Variants in PCDH9 observed in about 807,000 individuals in gnomAD.
PCDH9 encodes the protein protocadherin 9.
In PCDH9, 24 loss-of-function variants were observed where a neutral mutation model predicts 70.6. The ratio of observed to expected loss-of-function variants is 0.34; its 90% CI spans 0.25 to 0.48. The LOEUF is 0.48. Among genes scored for constraint, PCDH9 ranks in the 20% least tolerant of loss-of-function variants. The pLI is 0.99. For missense variants in PCDH9, 1,281 were observed against 1,503.6 expected (o/e 0.85, Z 2.45); for synonymous variants, 562 against 558.5 (o/e 1.01, Z -0.09).
intron 3 of PCDH9, among the ~76,000 whole-genome samples, chr13:66,639,152 G>T (rs183168707): frequency 6.6e-6 from 1 of 152,310 alleles, no homozygotes; most frequent in African/African-American, 2.4e-5. Flanking sequence ...GGGGGAGTTT[G>T]TCTGCACTCT....
At position 67,033,280 on chromosome 13, in the gene PCDH9, G is replaced by A. The variant is rs559725674; in HGVS notation, c.3037-129675C>T. Reference sequence around the variant, plus strand: ...CTGGGTCACTGCAGAGAAAGTCAATGTTGAAATAAATGATAGCTCCAGGCA... The same window carrying A: ...CTGGGTCACTGCAGAGAAAGTCAATATTGAAATAAATGATAGCTCCAGGCA... On this transcript the variant is annotated intron_variant, in intron 2 of 4. Coordinates refer to ENST00000377865, the MANE Select transcript of PCDH9 (RefSeq NM_203487.3). Among the ~76,000 whole-genome samples the A allele has an allele frequency of 3.3e-5, 5 of 152,200 alleles. No individual in the cohort carries two copies. In the South Asian group the frequency reaches 1.0e-3, roughly 32 times the overall value.
chr13:67,165,197 A>G (rs559266499), intron 2 of PCDH9, among the ~76,000 whole-genome samples: 3 of 152,264 alleles, frequency 2.0e-5, no homozygotes, highest in Admixed American at 2.0e-4. Context: ...TTATTAGTGA[A>G]TTGTACTGAT....
At chr13:66,910,381 A>G (rs1300017032) in intron 2 of PCDH9, among the ~76,000 whole-genome samples, 1 of 152,144 alleles carries the variant, frequency 6.6e-6, no homozygotes, top group Non-Finnish European at 1.5e-5. Context: ...ATGATAAGAT[A>G]TATTTCTTAT....
chr13:66,439,666 T>A (rs1484840826), intron 4 of PCDH9, among the ~76,000 whole-genome samples: 2 of 152,194 alleles, frequency 1.3e-5, no homozygotes, highest in Non-Finnish European at 2.9e-5. Flanking sequence ...TATTGACAGA[T>A]CCTAGTTAGG....
intron 3 of PCDH9, among the ~76,000 whole-genome samples, chr13:66,683,505 C>T (rs913610040): frequency 9.9e-5 from 15 of 152,186 alleles, no homozygotes; most frequent in African/African-American, 1.4e-4. Context: ...CCAAGGGATG[C>T]ATTCACAACC....
intron 2 of PCDH9, among the ~76,000 whole-genome samples, chr13:67,074,752 T>C (rs1055669310): frequency 5.3e-5 from 8 of 152,168 alleles, no homozygotes; most frequent in African/African-American, 1.9e-4. Context: ...TTTTAATGTA[T>C]GATTTATAAT....
At chr13:66,801,748 C>T (rs2080330016) in intron 3 of PCDH9, among the ~76,000 whole-genome samples, 1 of 151,966 alleles carries the variant, frequency 6.6e-6, no homozygotes. Flanking sequence ...GTACGTTCTT[C>T]AAATTGCAGA....
intron 4 of PCDH9, among the ~76,000 whole-genome samples, chr13:66,453,162 A>T (rs1423429090): frequency 1.3e-5 from 2 of 152,220 alleles, no homozygotes; most frequent in African/African-American, 4.8e-5. Flanking sequence ...TGTTACAGGT[A>T]AGACAGGTGT....
At position 67,107,072 on chromosome 13, in the gene PCDH9, C is replaced by T. The variant is rs71427635; in HGVS notation, c.3036+118333G>A. ...AGACAGGCTCCTTGATGGAAAGGGG[C>T]GGATCCCCAGTGAAGCCCCTCCTTC... On this transcript the variant is annotated intron_variant, in intron 2 of 4. Transcript: ENST00000377865. Among the ~76,000 whole-genome samples, 1,210 of 152,246 alleles carry T rather than the reference C, an allele frequency of 7.9e-3. 9 individuals carry two copies. Among genetic ancestry groups the T allele is most frequent in the Middle Eastern group, 0.014 (4 of 294 alleles).
intron 4 of PCDH9, among the ~76,000 whole-genome samples, chr13:66,503,477 T>C (rs1959187899): frequency 6.6e-6 from 1 of 152,258 alleles, no homozygotes; most frequent in Non-Finnish European, 1.5e-5. Flanking sequence ...ACAAATACTA[T>C]TTGAAGAAAC....
intron 2 of PCDH9, among the ~76,000 whole-genome samples, chr13:67,076,123 TA>T (rs2085872595): frequency 6.6e-6 from 1 of 152,276 alleles, no homozygotes; most frequent in East Asian, 1.9e-4. Flanking sequence ...CACCAAATAA[TA>T]GTATGGGAGT....
intron 4 of PCDH9, among the ~76,000 whole-genome samples, chr13:66,504,331 C>T (rs1776808617): frequency 1.3e-5 from 2 of 152,178 alleles, no homozygotes; most frequent in Admixed American, 1.3e-4. Context: ...TTCAATCCTT[C>T]TATGGTCTGA....
intron 2 of PCDH9, among the ~76,000 whole-genome samples, chr13:66,927,512 A>G (rs1047953594): frequency 8.5e-5 from 13 of 152,096 alleles, no homozygotes; most frequent in Non-Finnish European, 1.5e-4. Context: ...TACCTATGTA[A>G]CAAACCTGCA....
At chr13:66,488,134 CA>C (rs1359626084) in intron 4 of PCDH9, among the ~76,000 whole-genome samples, 2 of 152,090 alleles carry the variant, frequency 1.3e-5, no homozygotes, top group Non-Finnish European at 2.9e-5. Context: ...TGTGCTGTAA[CA>C]AATTTATGCC....
At chr13:66,712,097 T>C (rs1416957253) in intron 3 of PCDH9, among the ~76,000 whole-genome samples, 1 of 152,186 alleles carries the variant, frequency 6.6e-6, no homozygotes, top group Non-Finnish European at 1.5e-5. Flanking sequence ...TAGATAGCTA[T>C]TAGAAAAATT....
chr13:66,401,873 C>A (rs908039103), intron 4 of PCDH9, among the ~76,000 whole-genome samples: 17 of 152,146 alleles, frequency 1.1e-4, no homozygotes, highest in Admixed American at 1.0e-3. Context: ...CTGTTAGTTT[C>A]CCTTTCTGCC....
At chr13:67,013,444 T>A (rs1181771482) in intron 2 of PCDH9, among the ~76,000 whole-genome samples, 1 of 152,030 alleles carries the variant, frequency 6.6e-6, no homozygotes. Context: ...TGTAGATTTA[T>A]TTAACCACCT....
At chr13:67,143,922 C>G (rs2087458658) in intron 2 of PCDH9, among the ~76,000 whole-genome samples, 1 of 152,146 alleles carries the variant, frequency 6.6e-6, no homozygotes, top group Admixed American at 6.6e-5. Context: ...TAAGGTGAGT[C>G]ATAAGCATTA....
chr13:66,482,575 C>T (rs770898512), intron 4 of PCDH9, among the ~76,000 whole-genome samples: 14 of 152,224 alleles, frequency 9.2e-5, no homozygotes, highest in Non-Finnish European at 1.8e-4. Context: ...GCTGAACATA[C>T]TGCTACCCCA....
Sources: allele counts gnomAD v4.1 joint callset (sites outside exome capture counted in the v4.1 genomes callset), GRCh38; gene constraint gnomAD v4.1.1; transcripts MANE v1.5; gene names NCBI Gene and HGNC (gene_info 2026-07-23, HGNC 2026-07-21).